LTBP4: variants seen among roughly 807,000 people sequenced by gnomAD.
LTBP4 encodes latent transforming growth factor beta binding protein 4.
A neutral mutation model predicts 180.2 loss-of-function variants in LTBP4; 93 were observed. The observed-to-expected ratio is 0.52, with a 90% confidence interval of 0.44 to 0.61. LTBP4 has a LOEUF of 0.61. Ranked by LOEUF, LTBP4 falls within the 20% of genes least tolerant of loss-of-function variation. The pLI is 0.00. For synonymous variants in LTBP4, 947 were observed against 934.5 expected, an observed-to-expected ratio of 1.01 and a Z score of -0.24; for missense variants, 2,116 against 2,256.5, an observed-to-expected ratio of 0.94 and a Z score of 1.26.
At chr19:40,626,925 G>A (rs894455328) in intron 27 of LTBP4, 50 bp from the exon 28 acceptor site, 8 of 1,496,302 alleles carry the variant, frequency 5.3e-6, no homozygotes, top group Non-Finnish European at 7.1e-6. Flanking sequence ...GTGAGTGGTG[G>A]GTGTGGGGGC....
At position 40,605,826 on chromosome 19, in the gene LTBP4, G is replaced by C; in HGVS notation, c.788G>C (p.Arg263Pro). Residue 263 changes from arginine to proline, a missense_variant, in exon 4 of 30, where the codon CGC becomes CCC. Arg to Pro is a moderately radical substitution (Grantham distance 103). Coordinates refer to ENST00000396819, the MANE Select transcript of LTBP4 (RefSeq NM_001042545.2). The surrounding 1 kb of genome is among the most constrained non-coding windows in gnomAD (Gnocchi z 5.5). The part of the protein sequence containing the change: ...GVHDCQLCSE[R>P]LGNSERVSAP... ...CACGACTGTCAGCTGTGCTCCGAGC[G>C]CCTGGGTAAGCCCCAGGACGTCCCC... The C allele has an allele frequency of 6.5e-7, 1 of 1,537,466 alleles. No homozygotes were observed. Among genetic ancestry groups the C allele is most frequent in the Non-Finnish European group, 8.7e-7 (1 of 1,146,656 alleles).
Position 40,627,317 on chromosome 19 carries a change from C to T in LTBP4, c.4328C>T (p.Pro1443Leu). Residue 1443 changes from proline (P) to leucine (L), a missense_variant, in exon 28 of 30, where the codon CCA (proline) becomes CTA (leucine). Pro to Leu is a moderately conservative substitution (Grantham distance 98). Coordinates refer to ENST00000396819, the MANE Select transcript of LTBP4 (RefSeq NM_001042545.2). ...YRSRDTRRSF[P>L]EPEEPPEGGS... ...TCCCGGGACACCCGCCGCTCCTTCC[C>T]AGAGCCCGAGGAGCCTCCTGAAGGT... 1 of 1,528,478 alleles carries T rather than the reference C, an allele frequency of 6.5e-7. No homozygotes were observed. Among genetic ancestry groups the T allele is most frequent in the South Asian group, 1.2e-5 (1 of 82,748 alleles). 94.7% of individuals were successfully genotyped at this position (1,528,478 alleles called of 1,614,324 possible).
At chr19:40,623,767 C>T in intron 25 of LTBP4, 35 bp downstream of exon 25, 1 of 1,611,356 alleles carries the variant, frequency 6.2e-7, no homozygotes. Flanking sequence ...CCCGGCAACT[C>T]TCTCCAACCC....
rs371635049 is a variant in LTBP4 at position 40,629,391 on chromosome 19, C to T, written c.4520-5C>T. 6.2e-6 allele frequency: 10 copies of T among 1,612,700 alleles called. No homozygotes were observed. The highest frequency in any genetic ancestry group is 8.5e-6 in the Non-Finnish European group (10 of 1,179,530). ...TCAGCAGCGATCGTTGTCTCCCCTC[C>T]GCAGACATCAACGAGTGTGATGAGG... On this transcript the variant is annotated splice_polypyrimidine_tract_variant and splice_region_variant and intron_variant, in intron 29 of 29. Coordinates refer to ENST00000396819, the MANE Select transcript of LTBP4 (RefSeq NM_001042545.2). This position sits in a 1 kb window ranked among gnomAD's most constrained non-coding sequence, Gnocchi z 4.5.
chr19:40,606,399 G>A lies in LTBP4; in HGVS notation c.869-5G>A, dbSNP rs748860596. The A allele has an allele frequency of 1.2e-6, 2 of 1,606,772 alleles. No individual in the cohort carries two copies. Among genetic ancestry groups the A allele is most frequent in the East Asian group, 4.5e-5 (2 of 44,622 alleles). On this transcript the variant is annotated splice_polypyrimidine_tract_variant and splice_region_variant and intron_variant, in intron 5 of 29. Transcript: ENST00000396819. Reference sequence around the variant, plus strand: ...ACTCCACGGTGACCTCCCCAACCCTGGCAGATGTGGATGAGTGCGCGACTG... The same window carrying A: ...ACTCCACGGTGACCTCCCCAACCCTAGCAGATGTGGATGAGTGCGCGACTG...
chr19:40,629,451 T>A lies in LTBP4; in HGVS notation c.4575T>A (p.Arg1525=). 1 of 1,612,336 alleles carries A rather than the reference T, an allele frequency of 6.2e-7. No individual in the cohort carries two copies. The highest frequency in any genetic ancestry group is 2.2e-5 in the East Asian group (1 of 44,830). ...CCTCCCCGCTGTGCGTCAACGCGCG[T>A]TGCCTCAACACGGATGGCTCCTTCC... ...EAASPLCVNA[R]CLNTDGSFRC... is the part of the protein sequence containing the mutation. The change falls in exon 30 of 30, where the codon CGT becomes CGA. Residue 1525 remains arginine (R), a synonymous_variant. Coordinates refer to ENST00000396819, the MANE Select transcript of LTBP4 (RefSeq NM_001042545.2). The surrounding 1 kb of genome is among the most constrained non-coding windows in gnomAD (Gnocchi z 4.5).
chr19:40,628,723 C>T (rs1473143496), intron 29 of LTBP4, among the ~76,000 whole-genome samples: 3 of 152,196 alleles, frequency 2.0e-5, no homozygotes, highest in South Asian at 2.1e-4. Context: ...GAGGCACATG[C>T]GTAAAACGAA....
chr19:40,603,790 G>C (rs1345415911), intron 1 of LTBP4, among the ~76,000 whole-genome samples: 1 of 152,244 alleles, frequency 6.6e-6, no homozygotes, highest in African/African-American at 2.4e-5. Flanking sequence ...GGAGAGAGAG[G>C]GAGGGGGTGC....
Position 40,611,676 on chromosome 19 carries a change from C to A in LTBP4, c.2054-183C>A, listed in dbSNP as rs958109651. 3.9e-5 allele frequency among the ~76,000 whole-genome samples: 6 copies of A among 152,164 alleles called. No homozygotes were observed. Among genetic ancestry groups the A allele is most frequent in the African/African-American group, 1.4e-4 (6 of 41,426 alleles). ...ATGGAGTTGGTGCCTTAGCCCCCAC[C>A]TTAGTAGCTGGAGAGACCATTGAAT... On this transcript the variant is annotated intron_variant, in intron 13 of 29. Transcript: ENST00000396819. The surrounding 1 kb of genome is among the most constrained non-coding windows in gnomAD (Gnocchi z 4.4).
rs773719267 is a variant in LTBP4, at chr19:40,610,577, G to A, written c.1730G>A (p.Arg577His). 1 of 1,592,980 alleles carries A rather than the reference G, an allele frequency of 6.3e-7. No homozygotes were observed. The highest frequency in any genetic ancestry group is 8.5e-7 in the Non-Finnish European group (1 of 1,175,794). The change falls in exon 12 of 30, where the codon CGC becomes CAC. Residue 577 changes from arginine to histidine, a missense_variant. Physicochemically the swap from Arg to His is conservative, Grantham distance 29. Coordinates refer to ENST00000396819, the MANE Select transcript of LTBP4 (RefSeq NM_001042545.2). ...GTGCCGCCGCCGTGTGACCTCGGGCGCTGCGAGAACACGCCAGGCAGCTTC... is the reference window on the plus strand; with the variant it reads ...GTGCCGCCGCCGTGTGACCTCGGGCACTGCGAGAACACGCCAGGCAGCTTC... ...HRVPPPCDLG[R>H]CENTPGSFLC...
intron 1 of LTBP4, among the ~76,000 whole-genome samples, chr19:40,604,483 G>T (rs773779669): frequency 1.1e-4 from 17 of 152,278 alleles, no homozygotes; most frequent in Admixed American, 3.3e-4. Flanking sequence ...GGTCAGCGCC[G>T]TCTGGGCTGG....
intron 1 of LTBP4, 51 bp from the exon 2 acceptor site, chr19:40,604,984 A>G: frequency 6.5e-7 from 1 of 1,540,430 alleles, no homozygotes; most frequent in South Asian, 1.1e-5. Flanking sequence ...GGACCCCAGG[A>G]GAACCTGCCA....
At chr19:40,612,278 C>A in intron 15 of LTBP4, 86 bp downstream of exon 15, 1 of 1,474,970 alleles carries the variant, frequency 6.8e-7, no homozygotes, top group Non-Finnish European at 9.0e-7. Flanking sequence ...CTGGCCGTAA[C>A]CTCCTGACCT....
In LTBP4 at chr19:40,601,378, C is replaced by T. The variant is rs2081422519; in HGVS notation, c.-10C>T. ...GGGGCGGCGGCGCGGCGGAGCGCGG[C>T]GCTGCAGCCATGGCGGGCGGCGTGC... On this transcript the variant is annotated 5_prime_UTR_variant, in exon 1 of 30. Transcript: ENST00000396819. The T allele has an allele frequency of 4.0e-6, 5 of 1,235,866 alleles. No homozygotes were observed. The highest frequency in any genetic ancestry group is 5.1e-6 in the Non-Finnish European group (5 of 985,664). 76.6% of individuals were successfully genotyped at this position (1,235,866 alleles called of 1,614,324 possible). A position where few individuals can be genotyped will look rare whatever the true frequency, so the allele number is the denominator to read the frequency against.
At chr19:40,612,603 A>G (rs547406813) in intron 15 of LTBP4, among the ~76,000 whole-genome samples, 1 of 152,220 alleles carries the variant, frequency 6.6e-6, no homozygotes, top group Non-Finnish European at 1.5e-5. Context: ...GCCTCTTCTC[A>G]GAATCCCTTC....
At chr19:40,593,218 T>C (rs568305963) in intron 1 of LTBP4, 5 of 1,612,614 alleles carry the variant, frequency 3.1e-6, no homozygotes, top group Non-Finnish European at 4.2e-6. Flanking sequence ...CTGAAATAGC[T>C]GTGCACCTCA....
Position 40,622,766 on chromosome 19 carries a change from G to A in LTBP4, c.3484+99G>A, listed in dbSNP as rs1648906311. 9.5e-6 allele frequency: 14 copies of A among 1,469,488 alleles called. No individual in the cohort carries two copies. Among genetic ancestry groups the A allele is most frequent in the Non-Finnish European group, 1.3e-5 (14 of 1,100,484 alleles). The allele number at this position is 1,469,488 out of a possible 1,614,324, so 91.0% of individuals were successfully genotyped here. ...AGGGGACACTTTTGGACAGGGCCTTGAGGTACTAGTACTGTCAGGGCAAGG... is the reference window on the plus strand; with the variant it reads ...AGGGGACACTTTTGGACAGGGCCTTAAGGTACTAGTACTGTCAGGGCAAGG... On this transcript the variant is annotated intron_variant, in intron 23 of 29. Transcript: ENST00000396819. This position sits in a 1 kb window ranked among gnomAD's most constrained non-coding sequence, Gnocchi z 5.1.
intron 1 of LTBP4, among the ~76,000 whole-genome samples, chr19:40,596,135 T>A (rs1230809049): frequency 1.3e-5 from 2 of 151,948 alleles, no homozygotes; most frequent in Non-Finnish European, 2.9e-5. Context: ...TTGGCCAGGC[T>A]GGTCTCGAAC....
chr19:40,619,363 AAC>A lies in LTBP4; in HGVS notation c.3090_3091del (p.Leu1031ThrfsTer10). ...RHCVDVNECE[T>X]LQGVCGAALC... ...TGCTTACAGATGTGAACGAGTGTGA[AAC>A]ACTACAGGGTGTATGTGGAGCTGCC... On this transcript the variant is annotated frameshift_variant, in exon 22 of 30. Coordinates refer to ENST00000396819, the MANE Select transcript of LTBP4 (RefSeq NM_001042545.2). LOFTEE classifies it high-confidence loss of function. 6.2e-7 allele frequency: 1 copy of A among 1,613,824 alleles called. No individual in the cohort carries two copies. The highest frequency in any genetic ancestry group is 2.2e-5 in the East Asian group (1 of 44,868).
Sources: allele counts gnomAD v4.1 joint callset (sites outside exome capture counted in the v4.1 genomes callset), GRCh38; gene constraint gnomAD v4.1.1; non-coding constraint Gnocchi (gnomAD v3.1); transcripts MANE v1.5; gene names NCBI Gene and HGNC (gene_info 2026-07-23, HGNC 2026-07-21).